Variants in NFIB observed in about 807,000 individuals in gnomAD.
The protein encoded by NFIB is nuclear factor 1 B-type.
Under a neutral mutation model 61.5 loss-of-function variants are expected in NFIB, and 11 were observed. That is an observed-to-expected ratio of 0.18 (90% CI 0.11 to 0.30). NFIB has a LOEUF of 0.30. NFIB is among the 10% of genes least tolerant of loss of function. The pLI is 1.00. For synonymous variants in NFIB, 260 were observed against 216.5 expected, an observed-to-expected ratio of 1.20 and a Z score of -1.76; for missense variants, 471 against 608.9, an observed-to-expected ratio of 0.77 and a Z score of 2.38.
At chr9:14,235,064 A>G (rs78959125) in intron 2 of NFIB, among the ~76,000 whole-genome samples, 17,362 of 152,188 alleles carry the variant, frequency 0.11, 1,200 homozygotes, top group South Asian at 0.17. Context: ...TAGGTACTTA[A>G]TAAGTATATG....
chr9:14,096,641 A>G (rs1004451862), intron 10 of NFIB: 7 of 152,158 alleles, frequency 4.6e-5, no homozygotes, highest in Non-Finnish European at 1.0e-4. Context: ...TTCAAGTTCA[A>G]TCTGGAATTA....
At chr9:14,189,230 G>C (rs1042172286) in intron 2 of NFIB, among the ~76,000 whole-genome samples, 1 of 152,094 alleles carries the variant, frequency 6.6e-6, no homozygotes, top group Non-Finnish European at 1.5e-5. Flanking sequence ...AATATATCTA[G>C]GTTAAAATCA....
the NFIB span, among the ~76,000 whole-genome samples, chr9:14,445,888 T>C: frequency 6.6e-6 from 1 of 152,210 alleles, no homozygotes; most frequent in African/African-American, 2.4e-5. Context: ...GGGAACATTT[T>C]CTTGATGCCT....
chr9:14,327,797 C>T (rs2060773380), intron 1 of NFIB, among the ~76,000 whole-genome samples: 1 of 152,132 alleles, frequency 6.6e-6, no homozygotes, highest in African/African-American at 2.4e-5. Flanking sequence ...CCCTTCTCAT[C>T]CCACTTCATC....
intron 2 of NFIB, among the ~76,000 whole-genome samples, chr9:14,217,057 A>T (rs567045091): frequency 6.6e-6 from 1 of 152,356 alleles, no homozygotes; most frequent in Admixed American, 6.5e-5. Context: ...ATGTGAAATG[A>T]CTAACATTTG....
intron 2 of NFIB, among the ~76,000 whole-genome samples, chr9:14,290,026 T>TG (rs1178665620): frequency 1.3e-5 from 2 of 152,054 alleles, no homozygotes; most frequent in Non-Finnish European, 2.9e-5. Context: ...TGTTTGTGCC[T>TG]GGGATTGTCT....
At chr9:14,132,531 TTCTA>T (rs1216674446) in intron 6 of NFIB, among the ~76,000 whole-genome samples, 5 of 152,068 alleles carry the variant, frequency 3.3e-5, no homozygotes, top group South Asian at 2.1e-4. Context: ...TCTTTTTCCT[TTCTA>T]TCTTTTATTA....
At chr9:14,125,487 T>A (rs774375546) in intron 7 of NFIB, 145 bp downstream of exon 7, 5 of 1,176,476 alleles carry the variant, frequency 4.2e-6, no homozygotes, top group Non-Finnish European at 5.9e-6. Flanking sequence ...GAAGAAAAAA[T>A]ACTTGATCGG....
At chr9:14,348,909 AC>A (rs2061069382) in intron 1 of NFIB, among the ~76,000 whole-genome samples, 1 of 152,238 alleles carries the variant, frequency 6.6e-6, no homozygotes, top group African/African-American at 2.4e-5. Context: ...AACATTAAAA[AC>A]AAAAAAACCT....
chr9:14,203,303 A>G (rs949208901), intron 2 of NFIB, among the ~76,000 whole-genome samples: 3 of 152,204 alleles, frequency 2.0e-5, no homozygotes, highest in Admixed American at 6.5e-5. Flanking sequence ...CCCTCAAAAA[A>G]GCCCCTCAAA....
intron 2 of NFIB, among the ~76,000 whole-genome samples, chr9:14,283,465 T>G (rs944832533): frequency 6.6e-6 from 1 of 152,206 alleles, no homozygotes; most frequent in African/African-American, 2.4e-5. Flanking sequence ...CTGGACCTAA[T>G]AGTTTCTGTG....
intron 1 of NFIB, among the ~76,000 whole-genome samples, chr9:14,392,781 T>C (rs2061640209): frequency 6.6e-6 from 1 of 152,244 alleles, no homozygotes; most frequent in South Asian, 2.1e-4. Context: ...GTTATTCTCA[T>C]AACACCAAAC....
At chr9:14,451,277 A>G in the NFIB span, among the ~76,000 whole-genome samples, 21 of 152,234 alleles carry the variant, frequency 1.4e-4, no homozygotes, top group Non-Finnish European at 1.5e-5. Flanking sequence ...GTAGGTGTTC[A>G]CCAGTTTATT....
intron 2 of NFIB, among the ~76,000 whole-genome samples, chr9:14,222,115 T>C (rs1367595339): frequency 6.6e-6 from 1 of 152,230 alleles, no homozygotes; most frequent in African/African-American, 2.4e-5. Flanking sequence ...TCTTTTGATA[T>C]TGCAAAGACT....
At chr9:14,497,832 T>C in the NFIB span, among the ~76,000 whole-genome samples, 2 of 152,302 alleles carry the variant, frequency 1.3e-5, no homozygotes, top group South Asian at 2.1e-4. Flanking sequence ...TTTCTTTTGA[T>C]TGGCTGAGTA....
chr9:14,470,852 C>T, the NFIB span, among the ~76,000 whole-genome samples: 12 of 152,104 alleles, frequency 7.9e-5, no homozygotes, highest in African/African-American at 2.7e-4. Flanking sequence ...CCCATTTCAC[C>T]CTCATAGGCC....
intron 2 of NFIB, among the ~76,000 whole-genome samples, chr9:14,248,545 A>ATGAGCCCCCCC (rs2055203289): frequency 6.6e-6 from 1 of 152,192 alleles, no homozygotes; most frequent in East Asian, 1.9e-4. Flanking sequence ...TCCTGGGATT[A>ATGAGCCCCCCC]CAGGCATGAG....
At chr9:14,386,046 G>A (rs1249576192) in intron 1 of NFIB, among the ~76,000 whole-genome samples, 1 of 152,122 alleles carries the variant, frequency 6.6e-6, no homozygotes, top group Non-Finnish European at 1.5e-5. Context: ...GCCTCCCAAA[G>A]TGCTGGAATT....
chr9:14,190,971 T>C (rs1403906606), intron 2 of NFIB, among the ~76,000 whole-genome samples: 1 of 152,130 alleles, frequency 6.6e-6, no homozygotes, highest in Non-Finnish European at 1.5e-5. Flanking sequence ...GGTGGGTGGA[T>C]AACCTGAGGT....
Sources: gnomAD v4.1 joint callset for allele counts (sites outside exome capture counted in the v4.1 genomes callset) on GRCh38, gnomAD v4.1.1 for gene constraint, MANE v1.5 for transcripts, NCBI Gene and HGNC (gene_info 2026-07-23, HGNC 2026-07-21) for gene names.